ZNF341: variants seen among roughly 807,000 people sequenced by gnomAD.
ZNF341 encodes the protein zinc finger protein 341.
ZNF341 carries 52 observed loss-of-function variants against 87.7 expected under a neutral mutation model. The ratio of observed to expected loss-of-function variants is 0.59; its 90% CI spans 0.47 to 0.75. The LOEUF is 0.75. Among genes scored for constraint, ZNF341 ranks in the 30% least tolerant of loss-of-function variants. The pLI is 0.00. For synonymous variants in ZNF341, 459 were observed against 472.7 expected, an observed-to-expected ratio of 0.97 and a Z score of 0.38; for missense variants, 977 against 1,145.9, an observed-to-expected ratio of 0.85 and a Z score of 2.13.
intron 11 of ZNF341, among the ~76,000 whole-genome samples, chr20:33,783,379 GGCAGAAT>G (rs1488569816): frequency 6.6e-6 from 1 of 152,112 alleles, no homozygotes; most frequent in East Asian, 1.9e-4. Flanking sequence ...GACATTCAAA[GGCAGAAT>G]TGGCTTTGCC....
intron 10 of ZNF341, among the ~76,000 whole-genome samples, chr20:33,777,831 A>G (rs1601282729): frequency 1.3e-5 from 2 of 152,110 alleles, no homozygotes; most frequent in East Asian, 1.9e-4. Flanking sequence ...CTTGTGTCCT[A>G]TAAGCTGGAA....
intron 2 of ZNF341, 58 bp downstream of exon 2, chr20:33,741,070 G>A: frequency 6.7e-7 from 1 of 1,503,490 alleles, no homozygotes; most frequent in Non-Finnish European, 9.3e-7. Flanking sequence ...CGAAGAGTAG[G>A]TGGAGCTTGT....
chr20:33,745,849 C>T (rs1382550178), intron 3 of ZNF341, among the ~76,000 whole-genome samples: 1 of 151,110 alleles, frequency 6.6e-6, no homozygotes, highest in Non-Finnish European at 1.5e-5. Flanking sequence ...GTGAGAGTGG[C>T]TGGGACTGAG....
At chr20:33,772,898 TG>T in intron 10 of ZNF341, among the ~76,000 whole-genome samples, 1 of 152,210 alleles carries the variant, frequency 6.6e-6, no homozygotes, top group East Asian at 1.9e-4. Flanking sequence ...CTCTGGGAAA[TG>T]GGGCAAGAGA....
Position 33,791,437 on chromosome 20 carries a change from G to A in ZNF341, c.2485G>A (p.Ala829Thr). The part of the protein sequence containing the change: ...GHAEGLGSNL[A>T]LAELQAGAEG... ...CGCTGAGGGGCTGGGCTCCAACCTG[G>A]CTCTGGCGGAGCTGCAGGCTGGGGC... Residue 829 changes from alanine (A) to threonine (T), a missense_variant, in exon 15 of 15, where the codon GCT becomes ACT. This residue lies in a region of ZNF341 where 221 missense variants were observed against 212.7 expected (regional missense o/e 1.04). Coordinates refer to ENST00000375200, the MANE Select transcript of ZNF341 (RefSeq NM_001282933.2). 1 of 1,610,128 alleles carries A rather than the reference G, an allele frequency of 6.2e-7. No individual in the cohort carries two copies. The highest frequency in any genetic ancestry group is 8.5e-7 in the Non-Finnish European group (1 of 1,179,430).
chr20:33,744,748 T>C (rs2018879834), intron 2 of ZNF341, among the ~76,000 whole-genome samples: 1 of 152,004 alleles, frequency 6.6e-6, no homozygotes, highest in Non-Finnish European at 1.5e-5. Context: ...CGCACCACCA[T>C]GCCCAGCTAA....
At chr20:33,769,108 C>G (rs1035150939) in intron 9 of ZNF341, among the ~76,000 whole-genome samples, 1 of 152,088 alleles carries the variant, frequency 6.6e-6, no homozygotes, top group African/African-American at 2.4e-5. Context: ...TGACAAAAAT[C>G]AATTACGTTG....
chr20:33,771,758 A>G (rs2019538009), intron 10 of ZNF341, among the ~76,000 whole-genome samples: 1 of 151,774 alleles, frequency 6.6e-6, no homozygotes. Context: ...GCTCACGCCT[A>G]TAATCCTAGC....
chr20:33,791,922 A>G lies in ZNF341; in HGVS notation c.*405A>G, dbSNP rs1204978901. ...TCTGCTGTTCTTCAGGAGGCCTGCC[A>G]TAAACTCTTCGGAGTTTACGTGTTG... On this transcript the variant is annotated 3_prime_UTR_variant, in exon 15 of 15. Transcript: ENST00000375200. 25 of 193,124 alleles carry G rather than the reference A, an allele frequency of 1.3e-4. No individual in the cohort carries two copies. In the East Asian group the frequency reaches 3.0e-3, roughly 23 times the overall value. 12.0% of individuals were successfully genotyped at this position (193,124 alleles called of 1,614,324 possible). A position where few individuals can be genotyped will look rare whatever the true frequency, so the allele number is the denominator to read the frequency against.
At chr20:33,781,439 AGGTGG>A in intron 11 of ZNF341, 52 bp downstream of exon 11, 1 of 1,549,110 alleles carries the variant, frequency 6.5e-7, no homozygotes. Flanking sequence ...AAGGGCAAGG[AGGTGG>A]GGTGGGGTGC....
rs374461882 is a variant in ZNF341 at position 33,766,076 on chromosome 20, G to A, written c.1223-775G>A. Among the ~76,000 whole-genome samples, 10 of 151,920 alleles carry A rather than the reference G, an allele frequency of 6.6e-5. No homozygotes were observed. The East Asian group carries it at 1.8e-3, about 27-fold the overall frequency. On this transcript the variant is annotated intron_variant, in intron 8 of 14. Coordinates refer to ENST00000375200, the MANE Select transcript of ZNF341 (RefSeq NM_001282933.2). ...TTTTTTGTATTTTTGGTAGAGACGGGGTTTCACCATGTTGGCCAGGCTGGT... is the reference window on the plus strand; with the variant it reads ...TTTTTTGTATTTTTGGTAGAGACGGAGTTTCACCATGTTGGCCAGGCTGGT...
chr20:33,742,398 C>T (rs185255455), intron 2 of ZNF341, among the ~76,000 whole-genome samples: 27 of 152,096 alleles, frequency 1.8e-4, no homozygotes, highest in African/African-American at 5.8e-4. Context: ...GGTTTCACCA[C>T]GTTGGTCAGG....
chr20:33,790,895 G>A, intron 14 of ZNF341, 93 bp from the exon 15 acceptor site: 1 of 1,429,630 alleles, frequency 7.0e-7, no homozygotes, highest in East Asian at 2.4e-5. Context: ...ACAGGTGCTG[G>A]TGGGGAAAGA....
At chr20:33,769,375 TGG>T (rs1229929926) in intron 9 of ZNF341, among the ~76,000 whole-genome samples, 1 of 5,958 alleles carries the variant, frequency 1.7e-4, no homozygotes, top group Non-Finnish European at 2.7e-4. Flanking sequence ...GGGGTGGTGG[TGG>T]GGGGGGGGGC....
intron 2 of ZNF341, among the ~76,000 whole-genome samples, chr20:33,744,717 G>A (rs761697225): frequency 2.0e-5 from 3 of 151,936 alleles, no homozygotes; most frequent in Admixed American, 6.6e-5. Flanking sequence ...TCAGCCTCCC[G>A]AGTAGCTGGG....
At chr20:33,759,731 A>G (rs1369141308) in intron 7 of ZNF341, among the ~76,000 whole-genome samples, 2 of 152,178 alleles carry the variant, frequency 1.3e-5, no homozygotes, top group East Asian at 1.9e-4. Flanking sequence ...CACCTTTGGT[A>G]TACATGCTCG....
chr20:33,764,507 A>G (rs1477644536), intron 8 of ZNF341, among the ~76,000 whole-genome samples: 2 of 136,558 alleles, frequency 1.5e-5, no homozygotes, highest in African/African-American at 2.7e-5. Context: ...ATGTGTGTGT[A>G]TATATATATG....
chr20:33,757,266 G>T lies in ZNF341; in HGVS notation c.860G>T (p.Gly287Val). The T allele has an allele frequency of 6.2e-7, 1 of 1,605,888 alleles. No homozygotes were observed. Among genetic ancestry groups the T allele is most frequent in the Non-Finnish European group, 8.5e-7 (1 of 1,176,862 alleles). The change falls in exon 6 of 15, where the codon GGG becomes GTG. Residue 287 changes from glycine to valine, a missense_variant. Gly to Val is a moderately radical substitution (Grantham distance 109). Around this residue, in one of 3 missense-constraint regions of ZNF341, gnomAD observed 515 missense variants for 598.2 expected, o/e 0.86. Coordinates refer to ENST00000375200, the MANE Select transcript of ZNF341 (RefSeq NM_001282933.2). Reference sequence around the variant, plus strand: ...GCCGCCCCCATGACCAGCGCCACCGGGGGCACGGTGGCCACCTTTGACTCT... The same window carrying T: ...GCCGCCCCCATGACCAGCGCCACCGTGGGCACGGTGGCCACCTTTGACTCT... ...NPAAPMTSAT[G>V]GTVATFDSPA...
intron 2 of ZNF341, among the ~76,000 whole-genome samples, chr20:33,743,323 G>A (rs999574705): frequency 2.1e-5 from 3 of 142,920 alleles, no homozygotes; most frequent in East Asian, 2.1e-4. Context: ...GTGAGCCACC[G>A]CACCCTGCCC....
Sources: gnomAD v4.1 joint callset for allele counts (sites outside exome capture counted in the v4.1 genomes callset) on GRCh38, gnomAD v4.1.1 for gene constraint, gnomAD v4.1.1 regional missense constraint, MANE v1.5 for transcripts, NCBI Gene and HGNC (gene_info 2026-07-23, HGNC 2026-07-21) for gene names.